Variants in CDK8 observed in about 807,000 individuals in gnomAD.
The protein encoded by CDK8 is cyclin dependent kinase 8.
A neutral mutation model predicts 71.5 loss-of-function variants in CDK8; 29 were observed. That is an observed-to-expected ratio of 0.41 (90% CI 0.30 to 0.55). The LOEUF (loss-of-function observed/expected upper bound fraction) is 0.55, where lower values mean the gene tolerates loss of function less well. Among genes scored for constraint, CDK8 ranks in the 20% least tolerant of loss-of-function variants. The probability of loss-of-function intolerance (pLI) is 0.37; values close to 1 mark genes in which losing one functional copy is unlikely to be tolerated. For missense variants in CDK8, 288 were observed against 572.6 expected, an observed-to-expected ratio of 0.50 and a Z score of 5.07; for synonymous variants, 161 against 192.1, an observed-to-expected ratio of 0.84 and a Z score of 1.34.
At chr13:26,345,817 T>C (rs529734504) in intron 2 of CDK8, among the ~76,000 whole-genome samples, 23 of 152,318 alleles carry the variant, frequency 1.5e-4, no homozygotes, top group African/African-American at 5.5e-4. Flanking sequence ...GTGCATTTTG[T>C]TAATTTACAC....
At position 26,385,316 on chromosome 13, in the gene CDK8, G is replaced by C; in HGVS notation, c.620G>C (p.Gly207Ala). The C allele has an allele frequency of 1.2e-6, 2 of 1,612,992 alleles. No homozygotes were observed. Among genetic ancestry groups the C allele is most frequent in the Non-Finnish European group, 1.7e-6 (2 of 1,179,530 alleles). The change falls in exon 6 of 13, where the codon GGA becomes GCA. Residue 207 changes from glycine (G) to alanine (A), a missense_variant. Transcript: ENST00000381527. ...TACCGAGCCCCTGAACTACTTCTTGGAGCAAGGCATTATACCAAAGCTATT... is the reference window on the plus strand; with the variant it reads ...TACCGAGCCCCTGAACTACTTCTTGCAGCAAGGCATTATACCAAAGCTATT... Reference protein sequence around the residue: ...FWYRAPELLLGARHYTKAIDI... With the variant: ...FWYRAPELLLAARHYTKAIDI...
intron 7 of CDK8, among the ~76,000 whole-genome samples, chr13:26,395,487 C>CAAA (rs11361110): frequency 2.1e-5 from 2 of 94,334 alleles, no homozygotes; most frequent in Non-Finnish European, 4.8e-5. Context: ...AACTCCGTCT[C>CAAA]AAAAAAAAAA....
chr13:26,288,529 CTA>C (rs1873133135), intron 1 of CDK8, among the ~76,000 whole-genome samples: 1 of 151,342 alleles, frequency 6.6e-6, no homozygotes, highest in East Asian at 1.9e-4. Context: ...TAAAATCACC[CTA>C]GTCATTTATT....
intron 1 of CDK8, among the ~76,000 whole-genome samples, chr13:26,258,298 T>C (rs994812924): frequency 4.6e-5 from 7 of 152,152 alleles, no homozygotes; most frequent in Non-Finnish European, 1.0e-4. Context: ...AAAATAGTTA[T>C]GGAGTTTGAT....
chr13:26,269,158 G>C (rs1314214836), intron 1 of CDK8, among the ~76,000 whole-genome samples: 1 of 152,204 alleles, frequency 6.6e-6, no homozygotes, highest in African/African-American at 2.4e-5. Context: ...GCAGCCAGGT[G>C]ATTGTAAGAC....
At chr13:26,270,688 G>T (rs1267682619) in intron 1 of CDK8, among the ~76,000 whole-genome samples, 2 of 152,102 alleles carry the variant, frequency 1.3e-5, no homozygotes, top group South Asian at 2.1e-4. Flanking sequence ...CGTTTTCAAG[G>T]CTCATCCATG....
chr13:26,380,058 G>A (rs541341764), intron 4 of CDK8, among the ~76,000 whole-genome samples: 1 of 152,342 alleles, frequency 6.6e-6, no homozygotes, highest in South Asian at 2.1e-4. Context: ...CAGGAGCAGT[G>A]GGATGCAGGG....
intron 1 of CDK8, among the ~76,000 whole-genome samples, chr13:26,314,370 G>A (rs527464388): frequency 4.6e-5 from 7 of 152,046 alleles, no homozygotes; most frequent in Non-Finnish European, 8.8e-5. Context: ...TTTGCTTTTA[G>A]CTCAATTTAA....
chr13:26,401,658 C>T lies in CDK8; in HGVS notation c.1269+34C>T. 1 of 1,604,414 alleles carries T rather than the reference C, an allele frequency of 6.2e-7. No homozygotes were observed. The highest frequency in any genetic ancestry group is 8.5e-7 in the Non-Finnish European group (1 of 1,171,486). ...AGTTTATTTTGTATTGACTGCATGT[C>T]AGTGTTTACATATGGGTTTATGATC... is the stretch of plus-strand genomic sequence containing the variant. On this transcript the variant is annotated intron_variant, in intron 12 of 12. Transcript: ENST00000381527. The surrounding 1 kb of genome is among the most constrained non-coding windows in gnomAD (Gnocchi z 4.5).
intron 1 of CDK8, among the ~76,000 whole-genome samples, chr13:26,274,526 G>T (rs942779991): frequency 6.6e-6 from 1 of 151,528 alleles, no homozygotes. Flanking sequence ...CTGCCTCTTG[G>T]GTTCATGCCA....
At chr13:26,366,770 A>G (rs1242624340) in intron 4 of CDK8, among the ~76,000 whole-genome samples, 1 of 152,192 alleles carries the variant, frequency 6.6e-6, no homozygotes, top group African/African-American at 2.4e-5. Flanking sequence ...ATGCCTATTT[A>G]ATAAAAACAT....
intron 1 of CDK8, among the ~76,000 whole-genome samples, chr13:26,263,169 T>C: frequency 6.6e-6 from 1 of 152,142 alleles, no homozygotes; most frequent in Non-Finnish European, 1.5e-5. Context: ...GGAGTCTCGC[T>C]CTGTTGCCCA....
chr13:26,272,701 A>G (rs578070561), intron 1 of CDK8, among the ~76,000 whole-genome samples: 2 of 152,330 alleles, frequency 1.3e-5, no homozygotes, highest in East Asian at 3.9e-4. Flanking sequence ...AGTGTACATA[A>G]CGGTATGTGC....
chr13:26,312,393 C>T (rs929393320), intron 1 of CDK8, among the ~76,000 whole-genome samples: 1 of 152,164 alleles, frequency 6.6e-6, no homozygotes, highest in Non-Finnish European at 1.5e-5. Flanking sequence ...TCTGTACTAC[C>T]TTTATGAGCT....
intron 3 of CDK8, among the ~76,000 whole-genome samples, chr13:26,351,521 A>G (rs912747515): frequency 6.6e-6 from 1 of 152,204 alleles, no homozygotes; most frequent in African/African-American, 2.4e-5. Context: ...GTTTATAAAC[A>G]AGATTTGTGA....
At chr13:26,291,109 C>T (rs1224576510) in intron 1 of CDK8, among the ~76,000 whole-genome samples, 3 of 111,136 alleles carry the variant, frequency 2.7e-5, no homozygotes, top group South Asian at 6.9e-4. Context: ...ACAGAGTGAG[C>T]CTCCATCTCA....
chr13:26,346,511 C>T (rs1315837737), intron 2 of CDK8, among the ~76,000 whole-genome samples: 1 of 152,122 alleles, frequency 6.6e-6, no homozygotes, highest in East Asian at 1.9e-4. Context: ...GAGTGTGTTC[C>T]AATTTTGAGA....
intron 4 of CDK8, chr13:26,359,822 T>G: frequency 2.1e-5 from 6 of 281,042 alleles, no homozygotes; most frequent in Non-Finnish European, 3.7e-5. Context: ...TTCAAGTGAT[T>G]CTCCTGCCTT....
intron 1 of CDK8, among the ~76,000 whole-genome samples, chr13:26,256,490 G>T (rs1487444733): frequency 6.6e-6 from 1 of 152,172 alleles, no homozygotes; most frequent in Non-Finnish European, 1.5e-5. Flanking sequence ...TTTTTAATCT[G>T]TGTGAGAGAA....
Sources: allele counts gnomAD v4.1 joint callset (sites outside exome capture counted in the v4.1 genomes callset), GRCh38; gene constraint gnomAD v4.1.1; non-coding constraint Gnocchi (gnomAD v3.1); transcripts MANE v1.5; gene names NCBI Gene and HGNC (gene_info 2026-07-23, HGNC 2026-07-21).